Variants in SCD5 observed in about 807,000 individuals in gnomAD.
SCD5 encodes stearoyl-CoA desaturase 5.
Under a neutral mutation model 30.4 loss-of-function variants are expected in SCD5, and 20 were observed. The observed-to-expected ratio is 0.66, with a 90% CI of 0.46 to 0.96. The LOEUF (loss-of-function observed/expected upper bound fraction) is 0.96. SCD5 is among the 40% of genes least tolerant of loss of function. The pLI is 0.00. For synonymous variants in SCD5, 173 were observed against 176.4 expected (o/e 0.98, Z 0.16); for missense variants, 381 against 443.3 (o/e 0.86, Z 1.26).
chr4:82,640,794 G>A (rs1046042608), intron 3 of SCD5, among the ~76,000 whole-genome samples: 1 of 152,036 alleles, frequency 6.6e-6, no homozygotes, highest in African/African-American at 2.4e-5. Context: ...TCTGGCCAAG[G>A]GGCCACAGAG....
chr4:82,640,534 G>A (rs762902316), intron 3 of SCD5, among the ~76,000 whole-genome samples: 9 of 152,194 alleles, frequency 5.9e-5, no homozygotes, highest in Non-Finnish European at 1.2e-4. Context: ...TTTTTAGGGG[G>A]CACAGTAAGT....
At chr4:82,643,286 G>A (rs186968476) in intron 3 of SCD5, among the ~76,000 whole-genome samples, 1 of 152,238 alleles carries the variant, frequency 6.6e-6, no homozygotes, top group East Asian at 1.9e-4. Context: ...ATAAAAAGCA[G>A]GGACATGAAC....
chr4:82,762,165 C>G (rs1721387280), intron 1 of SCD5, among the ~76,000 whole-genome samples: 1 of 119,046 alleles, frequency 8.4e-6, no homozygotes, highest in Non-Finnish European at 1.6e-5. Flanking sequence ...GAGTGAGACC[C>G]TGTCTCAAAA....
At chr4:82,665,472 T>A (rs1180303598) in intron 3 of SCD5, among the ~76,000 whole-genome samples, 1 of 151,926 alleles carries the variant, frequency 6.6e-6, no homozygotes, top group Non-Finnish European at 1.5e-5. Context: ...AAACATTACG[T>A]GCAGAGGGAT....
intron 1 of SCD5, among the ~76,000 whole-genome samples, chr4:82,709,260 A>G (rs1720030320): frequency 6.6e-6 from 1 of 152,280 alleles, no homozygotes; most frequent in Non-Finnish European, 1.5e-5. Context: ...TGTAATACCT[A>G]CACCATCATT....
chr4:82,669,009 A>G (rs1475364027), intron 3 of SCD5, among the ~76,000 whole-genome samples: 2 of 152,224 alleles, frequency 1.3e-5, no homozygotes, highest in African/African-American at 4.8e-5. Context: ...AGCAACAGGT[A>G]GAGGGACCTT....
At chr4:82,765,639 CAG>C (rs1432739547) in intron 1 of SCD5, among the ~76,000 whole-genome samples, 3 of 148,676 alleles carry the variant, frequency 2.0e-5, no homozygotes, top group Non-Finnish European at 4.4e-5. Context: ...TTTTTTGAGA[CAG>C]AGTCTTGCTC....
chr4:82,743,683 G>A (rs1225086169), intron 1 of SCD5, among the ~76,000 whole-genome samples: 1 of 151,906 alleles, frequency 6.6e-6, no homozygotes, highest in African/African-American at 2.4e-5. Flanking sequence ...CACCATGCCT[G>A]GCTAATTTTT....
chr4:82,766,067 C>T (rs997946076), intron 1 of SCD5, among the ~76,000 whole-genome samples: 5 of 152,166 alleles, frequency 3.3e-5, no homozygotes, highest in African/African-American at 1.2e-4. Context: ...TTCTTGTGTA[C>T]ATTGGTGTGG....
chr4:82,664,604 A>T (rs1290017839), intron 3 of SCD5, among the ~76,000 whole-genome samples: 1 of 152,228 alleles, frequency 6.6e-6, no homozygotes, highest in African/African-American at 2.4e-5. Context: ...AACAGATGGG[A>T]GATTTTATCA....
At chr4:82,676,119 C>T (rs576694577) in intron 3 of SCD5, among the ~76,000 whole-genome samples, 20 of 152,130 alleles carry the variant, frequency 1.3e-4, no homozygotes, top group Non-Finnish European at 2.5e-4. Context: ...CCTGATTCCC[C>T]TTCTGGTTGG....
intron 3 of SCD5, among the ~76,000 whole-genome samples, chr4:82,657,899 C>T (rs969903963): frequency 6.6e-6 from 1 of 152,038 alleles, no homozygotes; most frequent in African/African-American, 2.4e-5. Flanking sequence ...GGCTGTTTGT[C>T]TACTATTGGT....
intron 1 of SCD5, among the ~76,000 whole-genome samples, chr4:82,793,975 A>G (rs1722154218): frequency 6.6e-6 from 1 of 152,228 alleles, no homozygotes; most frequent in Non-Finnish European, 1.5e-5. Flanking sequence ...TGAAGACATC[A>G]GGACCAGGTA....
intron 3 of SCD5, among the ~76,000 whole-genome samples, chr4:82,669,432 A>T (rs141570089): frequency 1.3e-3 from 203 of 152,348 alleles, no homozygotes; most frequent in African/African-American, 4.6e-3. Context: ...CAACTCTGAG[A>T]TTAGTAAGAG....
At chr4:82,764,252 G>T (rs879885624) in intron 1 of SCD5, among the ~76,000 whole-genome samples, 2 of 152,184 alleles carry the variant, frequency 1.3e-5, no homozygotes, top group Non-Finnish European at 2.9e-5. Context: ...AGGTAGAAAA[G>T]AACACAGATA....
At chr4:82,697,907 G>T in intron 2 of SCD5, 2 of 434,550 alleles carry the variant, frequency 4.6e-6, no homozygotes, top group South Asian at 3.4e-5. Flanking sequence ...TCACTGCTTA[G>T]AGACGACCAA....
At chr4:82,635,502 T>A (rs894957981) in intron 4 of SCD5, among the ~76,000 whole-genome samples, 2 of 151,202 alleles carry the variant, frequency 1.3e-5, no homozygotes, top group Non-Finnish European at 2.9e-5. Context: ...GTGCCTGTAG[T>A]CCCAGCTACT....
intron 2 of SCD5, among the ~76,000 whole-genome samples, chr4:82,690,395 A>G (rs1728806956): frequency 6.6e-6 from 1 of 152,256 alleles, no homozygotes; most frequent in Admixed American, 6.5e-5. Context: ...AAGTTTCAAA[A>G]TAAAAGATCT....
chr4:82,770,178 G>T (rs1396956812), intron 1 of SCD5, among the ~76,000 whole-genome samples: 17 of 151,812 alleles, frequency 1.1e-4, no homozygotes, highest in African/African-American at 2.9e-4. Flanking sequence ...ATGCTATCCT[G>T]CCCCCCTCCC....
Sources: gnomAD v4.1 joint callset for allele counts (sites outside exome capture counted in the v4.1 genomes callset) on GRCh38, gnomAD v4.1.1 for gene constraint, MANE v1.5 for transcripts, NCBI Gene and HGNC (gene_info 2026-07-23, HGNC 2026-07-21) for gene names.